SLC27A5: variants seen among roughly 807,000 people sequenced by gnomAD.
The protein encoded by SLC27A5 is solute carrier family 27 member 5, also known as long-chain fatty acid transport protein 5.
A neutral mutation model predicts 63.1 loss-of-function variants in SLC27A5; 47 were observed. The ratio of observed to expected loss-of-function variants is 0.74; its 90% confidence interval spans 0.59 to 0.95. SLC27A5 has a LOEUF of 0.95. SLC27A5 is among the 40% of genes least tolerant of loss of function. The pLI is 0.00. For missense variants in SLC27A5, 940 were observed against 921.0 expected (o/e 1.02, Z -0.27); for synonymous variants, 391 against 403.8 (o/e 0.97, Z 0.38).
chr19:58,501,453 ATTG>A lies in SLC27A5; in HGVS notation c.1058-46_1058-44del, dbSNP rs770661415. 1.7e-3 allele frequency: 2,646 copies of A among 1,602,414 alleles called. 7 individuals are homozygous for A. The highest frequency in any genetic ancestry group is 2.1e-3 in the Non-Finnish European group (2,476 of 1,173,018). On this transcript the variant is annotated intron_variant, in intron 3 of 9. Coordinates refer to ENST00000263093, the MANE Select transcript of SLC27A5 (RefSeq NM_012254.3). ...AGGGGGTTTCAGGTCATGCTTCCAA[ATTG>A]TTGTAAGAAGCTGCTTTTAGCACCT...
In SLC27A5 at chr19:58,511,831, C is replaced by T. The variant is rs751655154; in HGVS notation, c.125G>A (p.Cys42Tyr). ...CATGGCCAGCCCAAGTAGCACGCAA[C>T]ATGTGGGATCCCCCAGGAGCCAGCG... ...TLRWLLGDPT[C>Y]CVLLGLAMLA... The change falls in exon 1 of 10, where the codon TGT (cysteine) becomes TAT (tyrosine). Residue 42 changes from cysteine to tyrosine, a missense_variant. Transcript: ENST00000263093. 1.3e-6 allele frequency: 2 copies of T among 1,559,274 alleles called. No individual in the cohort carries two copies. Among genetic ancestry groups the T allele is most frequent in the Admixed American group, 3.8e-5 (2 of 52,268 alleles).
chr19:58,499,064 G>T, intron 8 of SLC27A5, 59 bp downstream of exon 8: 1 of 1,606,496 alleles, frequency 6.2e-7, no homozygotes, highest in South Asian at 1.1e-5. Context: ...TGTAAAATCA[G>T]AATAACGACC....
chr19:58,503,110 C>G (rs1242390273), intron 3 of SLC27A5, among the ~76,000 whole-genome samples: 5 of 148,814 alleles, frequency 3.4e-5, no homozygotes, highest in Admixed American at 1.3e-4. Context: ...GAGGCTGAGG[C>G]AGGAGAATGG....
In SLC27A5 at chr19:58,502,666, A is replaced by G. The variant is rs56185807; in HGVS notation, c.1058-1256T>C. ...TAGTGAGTGAGAAGATGGATGGGTG[A>G]ACAGTTAGAGTAGTGAGTGAGTAGA... On this transcript the variant is annotated intron_variant, in intron 3 of 9. Transcript: ENST00000263093. Among the ~76,000 whole-genome samples, 52 of 126,868 alleles carry G rather than the reference A, an allele frequency of 4.1e-4. No homozygotes were observed. The East Asian group carries it at 5.0e-3, about 12-fold the overall frequency. The allele number at this position is 126,868 out of a possible 152,430, so 83.2% of individuals were successfully genotyped here. A position where few individuals can be genotyped will look rare whatever the true frequency, so the allele number is the denominator to read the frequency against.
Position 58,510,877 on chromosome 19 carries a change from G to C in SLC27A5, c.742C>G (p.Arg248Gly). The C allele has an allele frequency of 1.2e-6, 2 of 1,612,644 alleles. No individual in the cohort carries two copies. Among genetic ancestry groups the C allele is most frequent in the Non-Finnish European group, 1.7e-6 (2 of 1,179,432 alleles). Residue 248 changes from arginine (R) to glycine (G), a missense_variant, in exon 2 of 10, where the codon CGC (arginine) becomes GGC (glycine). By Grantham distance (125) the Arg-to-Gly change is moderately radical. Transcript: ENST00000263093. Reference protein sequence around the residue: ...ILPKLQAENIRCFYLSHTSPT... With the variant: ...ILPKLQAENIGCFYLSHTSPT... Reference sequence around the variant, plus strand: ...GAGGTATGGCTGAGGTAGAAGCAGCGGATGTTCTCAGCCTGCAGCTTGGGA... The same window carrying C: ...GAGGTATGGCTGAGGTAGAAGCAGCCGATGTTCTCAGCCTGCAGCTTGGGA...
chr19:58,511,600 G>T lies in SLC27A5; in HGVS notation c.356C>A (p.Ala119Asp), dbSNP rs750908091. 1.1e-5 allele frequency: 17 copies of T among 1,588,934 alleles called. No homozygotes were observed. The highest frequency in any genetic ancestry group is 3.5e-4 in the Middle Eastern group (2 of 5,724). The change falls in exon 1 of 10, where the codon GCC (alanine) becomes GAC (aspartate). Residue 119 changes from alanine to aspartate, a missense_variant. Physicochemically the swap from Ala to Asp is moderately radical, Grantham distance 126. Transcript: ENST00000263093. ...SRQPPDTFVD[A>D]FERRARAQPG... ...CTGCGCTCGTGCTCGCCGCTCGAAGGCATCTACAAAGGTGTCAGGCGGCTG... is the reference window on the plus strand; with the variant it reads ...CTGCGCTCGTGCTCGCCGCTCGAAGTCATCTACAAAGGTGTCAGGCGGCTG...
Position 58,509,908 on chromosome 19 carries a change from C to A in SLC27A5, c.996G>T (p.Thr332=), listed in dbSNP as rs747156086. Residue 332 remains threonine (T), a synonymous_variant, in exon 3 of 10, where the codon ACG becomes ACT. Coordinates refer to ENST00000263093, the MANE Select transcript of SLC27A5 (RefSeq NM_012254.3). ...SGATADDVVY[T]VLPLYHVMGL... ...CCATCACGTGGTACAGAGGCAGGAC[C>A]GTGTAAACCACATCATCAGCTGTGG... The A allele has an allele frequency of 2.1e-5, 34 of 1,614,020 alleles. No individual in the cohort carries two copies. The highest frequency in any genetic ancestry group is 2.7e-5 in the Non-Finnish European group (32 of 1,179,990).
intron 3 of SLC27A5, among the ~76,000 whole-genome samples, chr19:58,504,511 T>G (rs1435672374): frequency 1.5e-5 from 2 of 131,042 alleles, no homozygotes; most frequent in Non-Finnish European, 3.1e-5. Context: ...TAGCCGCTTG[T>G]GGCGGTGCGT....
intron 4 of SLC27A5, 112 bp downstream of exon 4, chr19:58,501,174 G>A: frequency 7.2e-7 from 1 of 1,382,396 alleles, no homozygotes; most frequent in Non-Finnish European, 9.8e-7. Flanking sequence ...GTTCTTGCAT[G>A]AGGTGTATTA....
intron 7 of SLC27A5, 84 bp downstream of exon 7, chr19:58,499,408 C>A: frequency 6.8e-7 from 1 of 1,476,334 alleles, no homozygotes; most frequent in African/African-American, 1.4e-5. Flanking sequence ...AGGAAAGTCC[C>A]GCCTCTTCAG....
intron 3 of SLC27A5, among the ~76,000 whole-genome samples, chr19:58,504,030 G>A (rs191182364): frequency 2.6e-5 from 4 of 152,146 alleles, no homozygotes; most frequent in Admixed American, 6.5e-5. Flanking sequence ...CATGAGAATC[G>A]TTTGAACCCA....
intron 4 of SLC27A5, 40 bp downstream of exon 4, chr19:58,501,246 C>A (rs766345268): frequency 1.0e-5 from 16 of 1,600,312 alleles, no homozygotes; most frequent in African/African-American, 1.3e-5. Context: ...GGATTTCATA[C>A]TTGGGTGTTC....
intron 3 of SLC27A5, among the ~76,000 whole-genome samples, chr19:58,505,397 G>C (rs2122510710): frequency 6.8e-6 from 1 of 147,762 alleles, no homozygotes; most frequent in South Asian, 2.2e-4. Flanking sequence ...CCATGCCCCG[G>C]TAATTTTTGT....
In SLC27A5 at chr19:58,511,418, G is replaced by A; in HGVS notation, c.538C>T (p.Leu180=). ...CAGEPTALLV[L]ASQAVPALCM... ...AGGGCTGGAACGGCCTGGGAAGCCA[G>A]CACAAGGAGGGCAGTAGGCTCCCCG... Residue 180 remains leucine (L), a synonymous_variant, in exon 1 of 10, where the codon CTG becomes TTG. Coordinates refer to ENST00000263093, the MANE Select transcript of SLC27A5 (RefSeq NM_012254.3). 1 of 1,606,824 alleles carries A rather than the reference G, an allele frequency of 6.2e-7. No individual in the cohort carries two copies. Among genetic ancestry groups the A allele is most frequent in the East Asian group, 2.2e-5 (1 of 44,652 alleles).
chr19:58,505,469 G>A (rs996631470), intron 3 of SLC27A5, among the ~76,000 whole-genome samples: 2 of 151,654 alleles, frequency 1.3e-5, no homozygotes, highest in African/African-American at 4.8e-5. Flanking sequence ...CTGACCTCAG[G>A]TGATCCACCA....
rs1277368216 is a variant in SLC27A5 at position 58,501,397 on chromosome 19, A to G, written c.1071T>C (p.Val357=). ...AGGAAGTAGAGAACTTGGGGGCCAGAACACAGGTGGCTCCTGGGAGATGAC... is the reference window on the plus strand; with the variant it reads ...AGGAAGTAGAGAACTTGGGGGCCAGGACACAGGTGGCTCCTGGGAGATGAC... The part of the protein sequence containing the change: ...LGCLDLGATC[V]LAPKFSTSCF... Residue 357 remains valine (V), a synonymous_variant, in exon 4 of 10, where the codon GTT becomes GTC. Transcript: ENST00000263093. The G allele has an allele frequency of 1.2e-6, 2 of 1,613,508 alleles. No homozygotes were observed. The highest frequency in any genetic ancestry group is 1.7e-6 in the Non-Finnish European group (2 of 1,179,686).
chr19:58,507,740 G>A (rs1024601138), intron 3 of SLC27A5: 1 of 152,058 alleles, frequency 6.6e-6, no homozygotes, highest in Admixed American at 6.6e-5. Flanking sequence ...TAAGACCCTG[G>A]GAAAGGAATT....
At chr19:58,506,991 C>T (rs1311066458) in intron 3 of SLC27A5, among the ~76,000 whole-genome samples, 1 of 151,966 alleles carries the variant, frequency 6.6e-6, no homozygotes, top group African/African-American at 2.4e-5. Flanking sequence ...GATCCACCCG[C>T]CTCAGCCTCC....
chr19:58,507,335 C>G (rs1055736260), intron 3 of SLC27A5: 3 of 152,660 alleles, frequency 2.0e-5, no homozygotes, highest in African/African-American at 7.2e-5. Flanking sequence ...CCGGCTGGAG[C>G]CACGGCAGAG....
Sources: gnomAD v4.1 joint callset for allele counts (sites outside exome capture counted in the v4.1 genomes callset) on GRCh38, gnomAD v4.1.1 for gene constraint, MANE v1.5 for transcripts, NCBI Gene and HGNC (gene_info 2026-07-23, HGNC 2026-07-21) for gene names.